NCBP2L: variants seen among roughly 807,000 people sequenced by gnomAD.
NCBP2L encodes nuclear cap binding protein subunit 2 like, also known as nuclear cap-binding protein subunit 2-like.
For synonymous variants in NCBP2L, 39 were observed against 19.2 expected (o/e 2.04, Z -2.70); for missense variants, 95 against 53.1 (o/e 1.79, Z -2.45).
intron 1 of NCBP2L, among the ~76,000 whole-genome samples, chrX:107,787,629 T>C (rs1930403876): frequency 8.9e-6 from 1 of 112,193 alleles, no homozygotes; most frequent in Non-Finnish European, 1.9e-5. Flanking sequence ...CTAGGCAGTC[T>C]CAATCAGACA....
intron 1 of NCBP2L, among the ~76,000 whole-genome samples, chrX:107,787,098 G>T (rs757237693): frequency 8.9e-6 from 1 of 111,754 alleles, no homozygotes; most frequent in African/African-American, 3.3e-5. Context: ...CCTGAAACTC[G>T]TTAAAATGAA....
chrX:107,788,813 G>A (rs1930416085), intron 1 of NCBP2L, among the ~76,000 whole-genome samples: 1 of 111,101 alleles, frequency 9.0e-6, no homozygotes, highest in Non-Finnish European at 1.9e-5. Flanking sequence ...TTACCCCATG[G>A]GGCCTGGAGA....
chrX:107,784,621 C>T (rs1930371582), intron 1 of NCBP2L, among the ~76,000 whole-genome samples: 1 of 109,656 alleles, frequency 9.1e-6, no homozygotes, highest in South Asian at 3.9e-4. Flanking sequence ...CCACCGCTAC[C>T]ACCATCACCA....
Position 107,795,264 on chromosome X carries a change from C to T in NCBP2L, c.*582C>T, listed in dbSNP as rs1458938993. The T allele has an allele frequency of 8.9e-6, 1 of 111,955 alleles. No individual in the cohort carries two copies. Among genetic ancestry groups the T allele is most frequent in the Non-Finnish European group, 1.9e-5 (1 of 53,309 alleles). The allele number at this position is 111,955 out of a possible 1,213,427, so 9.2% of individuals were successfully genotyped here. ...TGTTTCTTGGTAGTTTCCTCCATAT[C>T]TCCAAATAACATGACTACTTACTTT... On this transcript the variant is annotated 3_prime_UTR_variant, in exon 2 of 2. Coordinates refer to ENST00000509000, the MANE Select transcript of NCBP2L (RefSeq NM_001348372.2).
At chrX:107,781,690 CTCTA>C (rs1160533843) in intron 1 of NCBP2L, among the ~76,000 whole-genome samples, 57 of 74,239 alleles carry the variant, frequency 7.7e-4, no homozygotes, top group Non-Finnish European at 1.2e-3. Flanking sequence ...CTCTCTCTCT[CTCTA>C]TATATATATA....
At chrX:107,782,352 A>AAT (rs1316327445) in intron 1 of NCBP2L, among the ~76,000 whole-genome samples, 9 of 37,363 alleles carry the variant, frequency 2.4e-4, no homozygotes, top group East Asian at 7.7e-4. Context: ...TATATATATA[A>AAT]ATATATATAT....
At chrX:107,783,377 T>TA (rs1391165103) in intron 1 of NCBP2L, among the ~76,000 whole-genome samples, 1 of 88,727 alleles carries the variant, frequency 1.1e-5, no homozygotes, top group East Asian at 3.2e-4. Flanking sequence ...TTTTTTTTTT[T>TA]TTATTTTTTA....
At chrX:107,783,380 A>ATTTT (rs1280169056) in intron 1 of NCBP2L, among the ~76,000 whole-genome samples, 30 of 58,672 alleles carry the variant, frequency 5.1e-4, no homozygotes, top group African/African-American at 1.9e-3. Flanking sequence ...TTTTTTTTTT[A>ATTTT]TTTTTTATTT....
intron 1 of NCBP2L, among the ~76,000 whole-genome samples, chrX:107,780,068 G>C (rs1356760311): frequency 9.0e-6 from 1 of 111,120 alleles, no homozygotes; most frequent in East Asian, 2.9e-4. Flanking sequence ...AGGGGTCCCT[G>C]TTCTAAGGCC....
At chrX:107,793,877 A>G (rs1268473828) in intron 1 of NCBP2L, among the ~76,000 whole-genome samples, 1 of 112,291 alleles carries the variant, frequency 8.9e-6, no homozygotes, top group East Asian at 2.8e-4. Flanking sequence ...ACATGCTGTT[A>G]TTAAAAGTGC....
chrX:107,781,472 A>ATTTTTTTTTTTTTTTTTTTTTTTTTT (rs769639335), intron 1 of NCBP2L, among the ~76,000 whole-genome samples: 1 of 73,865 alleles, frequency 1.4e-5, no homozygotes, highest in African/African-American at 6.8e-5. Flanking sequence ...CGCCCGGCTA[A>ATTTTTTTTTTTTTTTTTTTTTTTTTT]TTTTTTTTTT....
chrX:107,794,436 TAAAATAAAGAAA>T lies in NCBP2L; in HGVS notation c.218_229del (p.Lys73_Lys76del). 1 of 570,243 alleles carries T rather than the reference TAAAATAAAGAAA, an allele frequency of 1.8e-6. No individual in the cohort carries two copies. Among genetic ancestry groups the T allele is most frequent in the South Asian group, 2.2e-5 (1 of 45,010 alleles). The allele number at this position is 570,243 out of a possible 1,213,427, so 47.0% of individuals were successfully genotyped here. ...TCAGGAATATCTTTATGGGCCTGGA[TAAAATAAAGAAA>T]ACAGCATGTGGTTTTTGCTTTGTAG... On this transcript the variant is annotated inframe_deletion, in exon 2 of 2. Transcript: ENST00000509000.
Position 107,795,263 on chromosome X carries a change from T to A in NCBP2L, c.*581T>A, listed in dbSNP as rs1293605815. The A allele has an allele frequency of 8.9e-6, 1 of 112,123 alleles. No homozygotes were observed. Among genetic ancestry groups the A allele is most frequent in the Non-Finnish European group, 1.9e-5 (1 of 53,351 alleles). 9.2% of individuals were successfully genotyped at this position (112,123 alleles called of 1,213,427 possible). A position where few individuals can be genotyped will look rare whatever the true frequency, so the allele number is the denominator to read the frequency against. ...TTGTTTCTTGGTAGTTTCCTCCATA[T>A]CTCCAAATAACATGACTACTTACTT... is the stretch of plus-strand genomic sequence containing the variant. On this transcript the variant is annotated 3_prime_UTR_variant, in exon 2 of 2. Coordinates refer to ENST00000509000, the MANE Select transcript of NCBP2L (RefSeq NM_001348372.2).
At chrX:107,783,269 G>A (rs1185156855) in intron 1 of NCBP2L, among the ~76,000 whole-genome samples, 1 of 108,342 alleles carries the variant, frequency 9.2e-6, no homozygotes, top group Non-Finnish European at 1.9e-5. Context: ...GATCACTTGA[G>A]GTCAGGAATT....
chrX:107,781,115 G>A (rs1930259885), intron 1 of NCBP2L, among the ~76,000 whole-genome samples: 1 of 106,638 alleles, frequency 9.4e-6, no homozygotes, highest in South Asian at 4.1e-4. Context: ...ACGAGGTCTC[G>A]CCATTTTGCC....
intron 1 of NCBP2L, among the ~76,000 whole-genome samples, chrX:107,778,565 G>A (rs1490725464): frequency 8.9e-6 from 1 of 112,717 alleles, no homozygotes; most frequent in Non-Finnish European, 1.9e-5. Flanking sequence ...AGGCTGACTG[G>A]GCAGGGCCAC....
At position 107,782,264 on chromosome X, in the gene NCBP2L, T is replaced by A. The variant is rs1171362300; in HGVS notation, c.-73+4406T>A. On this transcript the variant is annotated intron_variant, in intron 1 of 1. Coordinates refer to ENST00000509000, the MANE Select transcript of NCBP2L (RefSeq NM_001348372.2). The stretch of plus-strand genomic sequence containing the variant: ...ATATATATATAAATATATATATAAA[T>A]ATATATATATAAATATATATAAATA... 2.5e-3 allele frequency among the ~76,000 whole-genome samples: 38 copies of A among 15,449 alleles called. 1 individual carries two copies. Among genetic ancestry groups the A allele is most frequent in the African/African-American group, 5.3e-3 (7 of 1,309 alleles). 13.4% of individuals were successfully genotyped at this position (15,449 alleles called of 115,157 possible).
intron 1 of NCBP2L, among the ~76,000 whole-genome samples, chrX:107,792,568 C>T (rs1277942715): frequency 8.9e-6 from 1 of 111,825 alleles, no homozygotes; most frequent in African/African-American, 3.3e-5. Context: ...CTGTTGTTTA[C>T]ATCTGGTTTT....
At chrX:107,784,798 C>T (rs1169022615) in intron 1 of NCBP2L, among the ~76,000 whole-genome samples, 2 of 89,771 alleles carry the variant, frequency 2.2e-5, no homozygotes, top group African/African-American at 4.8e-5. Flanking sequence ...TGGCAAAACC[C>T]CATCTCCACA....
Sources: gnomAD v4.1 joint callset for allele counts (sites outside exome capture counted in the v4.1 genomes callset) on GRCh38, gnomAD v4.1.1 for gene constraint, MANE v1.5 for transcripts, NCBI Gene and HGNC (gene_info 2026-07-23, HGNC 2026-07-21) for gene names.